Variants in PRKG1 observed in about 807,000 individuals in gnomAD.
The protein encoded by PRKG1 is cGMP-dependent protein kinase 1.
Under a neutral mutation model 88.1 loss-of-function variants are expected in PRKG1, and 35 were observed. That is an observed-to-expected ratio of 0.40 (90% CI 0.30 to 0.53). The LOEUF (loss-of-function observed/expected upper bound fraction) is 0.53. PRKG1 is among the 20% of genes least tolerant of loss of function. The pLI, the probability that PRKG1 is intolerant of heterozygous loss-of-function variation, is 0.59. For synonymous variants in PRKG1, 303 were observed against 292.5 expected (o/e 1.04, Z -0.37); for missense variants, 540 against 839.8 (o/e 0.64, Z 4.41).
chr10:51,606,573 C>T (rs1417975921), intron 3 of PRKG1, among the ~76,000 whole-genome samples: 1 of 152,018 alleles, frequency 6.6e-6, no homozygotes, highest in Non-Finnish European at 1.5e-5. Context: ...AGGGGTAAAT[C>T]AGAGGCTAGG....
At chr10:51,456,512 A>G (rs977757521) in intron 2 of PRKG1, among the ~76,000 whole-genome samples, 1 of 152,164 alleles carries the variant, frequency 6.6e-6, no homozygotes, top group Non-Finnish European at 1.5e-5. Context: ...AGGAAAAAAA[A>G]ACACTTTTAG....
At chr10:51,271,260 T>G (rs527332864) in intron 2 of PRKG1, among the ~76,000 whole-genome samples, 1 of 130,566 alleles carries the variant, frequency 7.7e-6, no homozygotes, top group African/African-American at 3.6e-5. Flanking sequence ...AGAAATATGA[T>G]TTTTTTTTTT....
intron 4 of PRKG1, among the ~76,000 whole-genome samples, chr10:51,856,966 T>TAAAAAA (rs748890081): frequency 1.0e-5 from 1 of 96,776 alleles, no homozygotes. Context: ...TCCGTCTTAC[T>TAAAAAA]AAAAAAAAGA....
chr10:51,448,136 G>A (rs115947724), intron 2 of PRKG1, among the ~76,000 whole-genome samples: 4,590 of 151,810 alleles, frequency 0.03, 237 homozygotes, highest in African/African-American at 0.1. Flanking sequence ...TAATCCTAGC[G>A]ACTCAGGAGG....
chr10:51,259,770 C>A (rs1371846400), intron 2 of PRKG1, among the ~76,000 whole-genome samples: 1 of 152,174 alleles, frequency 6.6e-6, no homozygotes, highest in Non-Finnish European at 1.5e-5. Flanking sequence ...GCCACCGCGC[C>A]TGGCCCTCAT....
intron 2 of PRKG1, among the ~76,000 whole-genome samples, chr10:51,375,656 T>C (rs554058935): frequency 5.9e-4 from 90 of 152,256 alleles, no homozygotes; most frequent in African/African-American, 2.1e-3. Flanking sequence ...GGACTTAACA[T>C]TGAGTAACAA....
chr10:52,154,645 A>G (rs778258002), intron 8 of PRKG1, among the ~76,000 whole-genome samples: 9 of 152,224 alleles, frequency 5.9e-5, no homozygotes, highest in Middle Eastern at 3.4e-3. Flanking sequence ...TAAGATGCAT[A>G]TATTCCTTTT....
chr10:51,662,569 C>T (rs1039722774), intron 3 of PRKG1, among the ~76,000 whole-genome samples: 1 of 152,030 alleles, frequency 6.6e-6, no homozygotes, highest in Non-Finnish European at 1.5e-5. Flanking sequence ...TGTACTAGTC[C>T]TTGGGGAAAT....
intron 1 of PRKG1, among the ~76,000 whole-genome samples, chr10:51,145,121 G>A (rs375034264): frequency 3.3e-5 from 5 of 152,122 alleles, no homozygotes; most frequent in East Asian, 1.9e-4. Context: ...ACATAGTGGT[G>A]GTGTGAGTTG....
intron 1 of PRKG1, among the ~76,000 whole-genome samples, chr10:51,108,445 T>G (rs992779791): frequency 1.3e-5 from 2 of 151,832 alleles, no homozygotes; most frequent in Admixed American, 6.6e-5. Context: ...GAGATTGGTT[T>G]ACCATTTGAA....
chr10:51,228,465 G>A (rs1397543944), intron 2 of PRKG1, among the ~76,000 whole-genome samples: 1 of 152,160 alleles, frequency 6.6e-6, no homozygotes, highest in Non-Finnish European at 1.5e-5. Flanking sequence ...GATTTGGAAA[G>A]CTCTCTAATT....
At position 51,975,155 on chromosome 10, in the gene PRKG1, TA is replaced by T. The variant is rs1241440153; in HGVS notation, c.762+67589del. Among the ~76,000 whole-genome samples, 7 of 152,226 alleles carry T rather than the reference TA, an allele frequency of 4.6e-5. No homozygotes were observed. The East Asian group carries it at 1.4e-3, about 29-fold the overall frequency. On this transcript the variant is annotated intron_variant, in intron 5 of 17. Transcript: ENST00000373980. ...ATTGCAAGATATTTATAAGTAACCA[TA>T]AAATACGGGCTTCATAGGTCCATTT... is the stretch of plus-strand genomic sequence containing the variant.
At chr10:51,491,226 A>G (rs567407397) in intron 3 of PRKG1, among the ~76,000 whole-genome samples, 1 of 152,172 alleles carries the variant, frequency 6.6e-6, no homozygotes, top group Non-Finnish European at 1.5e-5. Flanking sequence ...TAGATGTTGT[A>G]TTAGTAGAAT....
chr10:51,926,465 G>T (rs1394323226), intron 5 of PRKG1, among the ~76,000 whole-genome samples: 2 of 152,106 alleles, frequency 1.3e-5, no homozygotes, highest in Non-Finnish European at 1.5e-5. Flanking sequence ...AAGAGATGCT[G>T]CTGAACAGTT....
intron 3 of PRKG1, among the ~76,000 whole-genome samples, chr10:51,613,241 A>G (rs1475249564): frequency 6.6e-6 from 1 of 151,882 alleles, no homozygotes. Flanking sequence ...TCCTGATTCA[A>G]TCTTGGTAGG....
At chr10:51,925,881 T>A (rs1161268092) in intron 5 of PRKG1, among the ~76,000 whole-genome samples, 1 of 152,146 alleles carries the variant, frequency 6.6e-6, no homozygotes, top group African/African-American at 2.4e-5. Flanking sequence ...TTATTTTTCT[T>A]ATAAGGATGA....
chr10:51,401,319 T>C (rs1837733059), intron 2 of PRKG1, among the ~76,000 whole-genome samples: 1 of 152,216 alleles, frequency 6.6e-6, no homozygotes, highest in African/African-American at 2.4e-5. Flanking sequence ...CACACGTGGC[T>C]AGTGACTACC....
At chr10:51,502,921 T>C (rs1841074133) in intron 3 of PRKG1, among the ~76,000 whole-genome samples, 1 of 152,164 alleles carries the variant, frequency 6.6e-6, no homozygotes, top group African/African-American at 2.4e-5. Context: ...CCTATTTCTG[T>C]TTTTCAAAGA....
At chr10:51,895,628 A>T (rs892839322) in intron 4 of PRKG1, among the ~76,000 whole-genome samples, 3 of 152,074 alleles carry the variant, frequency 2.0e-5, no homozygotes, top group Non-Finnish European at 4.4e-5. Context: ...ATTCAAATAT[A>T]AATTGTTAAA....
Sources: allele counts gnomAD v4.1 joint callset (sites outside exome capture counted in the v4.1 genomes callset), GRCh38; gene constraint gnomAD v4.1.1; transcripts MANE v1.5; gene names NCBI Gene and HGNC (gene_info 2026-07-23, HGNC 2026-07-21).